Variants in USP46 observed in about 807,000 individuals in gnomAD.
USP46 encodes the protein ubiquitin carboxyl-terminal hydrolase 46.
A neutral mutation model predicts 44.4 loss-of-function variants in USP46; 12 were observed. The observed-to-expected ratio is 0.27, with a 90% CI of 0.17 to 0.44. The LOEUF (loss-of-function observed/expected upper bound fraction) is 0.44. USP46 is among the 20% of genes least tolerant of loss of function. USP46 has a pLI of 1.00. For synonymous variants in USP46, 155 were observed against 161.5 expected, an observed-to-expected ratio of 0.96 and a Z score of 0.31; for missense variants, 248 against 444.8, an observed-to-expected ratio of 0.56 and a Z score of 3.98.
chr4:52,656,197 A>G, intron 1 of USP46: 2 of 1,225,616 alleles, frequency 1.6e-6, no homozygotes, highest in South Asian at 1.3e-5. Flanking sequence ...TCTTACTACA[A>G]CTACTCAAAC....
At chr4:52,607,387 A>C (rs1303162040) in intron 5 of USP46, among the ~76,000 whole-genome samples, 3 of 152,228 alleles carry the variant, frequency 2.0e-5, no homozygotes, top group African/African-American at 7.2e-5. Flanking sequence ...TGGTATAGGA[A>C]ACTCTTCAAT....
chr4:52,638,435 C>G (rs1718203226), intron 1 of USP46, among the ~76,000 whole-genome samples: 1 of 152,024 alleles, frequency 6.6e-6, no homozygotes, highest in East Asian at 1.9e-4. Context: ...ACCTCCAGAA[C>G]TGTAAGATAA....
At position 52,631,117 on chromosome 4, in the gene USP46, CT is replaced by C; in HGVS notation, c.63del (p.Asp22ThrfsTer56). ...NMGTNASALE[K>X]DIGPEQFPIN... ...ATTGGAAACTGCTCTGGACCAATGT[CT>C]TTTTCCAGAGCAGAGGCATTGGTGC... On this transcript the variant is annotated frameshift_variant, in exon 2 of 9. Coordinates refer to ENST00000441222, the MANE Select transcript of USP46 (RefSeq NM_022832.4). LOFTEE classifies it high-confidence loss of function. The C allele has an allele frequency of 1.3e-6, 2 of 1,566,026 alleles. No homozygotes were observed. Among genetic ancestry groups the C allele is most frequent in the Non-Finnish European group, 8.7e-7 (1 of 1,153,322 alleles).
At chr4:52,629,984 A>G (rs1272138187) in intron 2 of USP46, among the ~76,000 whole-genome samples, 4 of 152,208 alleles carry the variant, frequency 2.6e-5, no homozygotes, top group African/African-American at 9.6e-5. Flanking sequence ...ATTATTTCCA[A>G]CTTTCCCAGT....
Position 52,626,163 on chromosome 4 carries a change from T to G in USP46, c.416A>C (p.Glu139Ala). The G allele has an allele frequency of 6.2e-7, 1 of 1,613,892 alleles. No individual in the cohort carries two copies. The highest frequency in any genetic ancestry group is 8.5e-7 in the Non-Finnish European group (1 of 1,179,844). ...LNTIADILQE[E>A]KKQEKQNGKL... is the part of the protein sequence containing the mutation. ...TCCATTTTGTTTTTCCTGTTTCTTC[T>G]CCTCCTGAAGGATGTCCGCAATAGT... The change falls in exon 4 of 9, where the codon GAG becomes GCG. Residue 139 changes from glutamate to alanine, a missense_variant. Around this residue, in one of 5 missense-constraint regions of USP46, gnomAD observed 37 missense variants for 30.6 expected, o/e 1.21. Transcript: ENST00000441222.
At position 52,591,881 on chromosome 4, in the gene USP46, G is replaced by A. The variant is rs1197425471; in HGVS notation, c.*5759C>T. The A allele has an allele frequency of 6.6e-6, 1 of 152,206 alleles. No homozygotes were observed. The highest frequency in any genetic ancestry group is 1.5e-5 in the Non-Finnish European group (1 of 68,032). The allele number at this position is 152,206 out of a possible 1,614,324, so 9.4% of individuals were successfully genotyped here. The stretch of plus-strand genomic sequence containing the variant: ...TATTTGATTCATAAAGCTCACTGTT[G>A]AGGCTTTCATGATACTGGCTCTTTT... On this transcript the variant is annotated 3_prime_UTR_variant, in exon 9 of 9. Transcript: ENST00000441222.
intron 4 of USP46, 31 bp downstream of exon 4, chr4:52,625,987 C>A (rs199952091): frequency 2.4e-5 from 38 of 1,576,172 alleles, no homozygotes; most frequent in Middle Eastern, 1.7e-4. Flanking sequence ...TATGAACATG[C>A]GAGCTACATA....
intron 4 of USP46, among the ~76,000 whole-genome samples, chr4:52,617,932 C>T (rs1717225373): frequency 6.6e-6 from 1 of 152,306 alleles, no homozygotes; most frequent in South Asian, 2.1e-4. Flanking sequence ...CAATTTTGAG[C>T]ATGGAGGTCT....
chr4:52,647,001 TA>T (rs1560412529), intron 1 of USP46, among the ~76,000 whole-genome samples: 1 of 152,176 alleles, frequency 6.6e-6, no homozygotes, highest in East Asian at 1.9e-4. Flanking sequence ...TCCACAGATA[TA>T]CTCCCACATA....
chr4:52,655,987 A>G (rs1291752097), intron 1 of USP46, among the ~76,000 whole-genome samples: 1 of 152,246 alleles, frequency 6.6e-6, no homozygotes, highest in Non-Finnish European at 1.5e-5. Context: ...CACACGAAGT[A>G]TCTGCTACAA....
At chr4:52,619,509 C>CAT (rs1473203191) in intron 4 of USP46, among the ~76,000 whole-genome samples, 1 of 152,128 alleles carries the variant, frequency 6.6e-6, no homozygotes, top group East Asian at 1.9e-4. Context: ...ACTGAAGCAC[C>CAT]ATCTAAAGGC....
intron 1 of USP46, among the ~76,000 whole-genome samples, chr4:52,639,562 A>T (rs1278878132): frequency 6.6e-6 from 1 of 152,196 alleles, no homozygotes; most frequent in Non-Finnish European, 1.5e-5. Context: ...TGGAAGCTGC[A>T]CACATTACTT....
At chr4:52,653,080 C>A (rs1246803095) in intron 1 of USP46, among the ~76,000 whole-genome samples, 2 of 152,098 alleles carry the variant, frequency 1.3e-5, no homozygotes, top group African/African-American at 4.8e-5. Flanking sequence ...AAGAATCATT[C>A]TGAGAATTGG....
chr4:52,626,151 T>C lies in USP46; in HGVS notation c.428A>G (p.Glu143Gly). 1 of 1,613,930 alleles carries C rather than the reference T, an allele frequency of 6.2e-7. No individual in the cohort carries two copies. The highest frequency in any genetic ancestry group is 1.1e-5 in the South Asian group (1 of 91,080). ...ADILQEEKKQ[E>G]KQNGKLKNGN... ...ATTTTTTAATTTTCCATTTTGTTTTTCCTGTTTCTTCTCCTCCTGAAGGAT... is the reference window on the plus strand; with the variant it reads ...ATTTTTTAATTTTCCATTTTGTTTTCCCTGTTTCTTCTCCTCCTGAAGGAT... The change falls in exon 4 of 9, where the codon GAA becomes GGA. Residue 143 changes from glutamate (E) to glycine (G), a missense_variant. Around this residue, in one of 5 missense-constraint regions of USP46, gnomAD observed 37 missense variants for 30.6 expected, o/e 1.21. Coordinates refer to ENST00000441222, the MANE Select transcript of USP46 (RefSeq NM_022832.4).
chr4:52,613,516 G>A (rs1717011926), intron 4 of USP46, among the ~76,000 whole-genome samples: 1 of 152,110 alleles, frequency 6.6e-6, no homozygotes, highest in Non-Finnish European at 1.5e-5. Flanking sequence ...ATGGTCAGGA[G>A]TTGGAGGCCA....
At chr4:52,616,337 TTTCCC>T (rs529482480) in intron 4 of USP46, among the ~76,000 whole-genome samples, 2,488 of 152,206 alleles carry the variant, frequency 0.016, 34 homozygotes, top group Non-Finnish European at 0.028. Context: ...TTTCCTTTCC[TTTCCC>T]TTCCCTTCCC....
chr4:52,627,984 T>G lies in USP46; in HGVS notation c.297A>C (p.Pro99=). The G allele has an allele frequency of 6.2e-7, 1 of 1,613,770 alleles. No homozygotes were observed. Among genetic ancestry groups the G allele is most frequent in the Non-Finnish European group, 8.5e-7 (1 of 1,179,792 alleles). Residue 99 remains proline, a synonymous_variant, in exon 3 of 9, where the codon CCA becomes CCC. Coordinates refer to ENST00000441222, the MANE Select transcript of USP46 (RefSeq NM_022832.4). ...TTCTCAGCCTTGAAATGAACTTCTT[T>G]GGTGGGATGACGCCAACCTTCTTCT... The part of the protein sequence containing the change: ...TQKKKVGVIP[P]KKFISRLRKE...
At chr4:52,625,115 A>G (rs1450244422) in intron 4 of USP46, among the ~76,000 whole-genome samples, 2 of 152,288 alleles carry the variant, frequency 1.3e-5, no homozygotes, top group East Asian at 3.9e-4. Flanking sequence ...TAATGAACCC[A>G]TAGACTTTCT....
chr4:52,603,145 A>G (rs761988679), intron 6 of USP46, among the ~76,000 whole-genome samples: 65 of 152,358 alleles, frequency 4.3e-4, no homozygotes, highest in Non-Finnish European at 1.0e-4. Flanking sequence ...AAGTATGGGG[A>G]ACCCCATGTT....
Sources: allele counts gnomAD v4.1 joint callset (sites outside exome capture counted in the v4.1 genomes callset), GRCh38; gene constraint gnomAD v4.1.1; regional missense constraint gnomAD v4.1.1; transcripts MANE v1.5; gene names NCBI Gene and HGNC (gene_info 2026-07-23, HGNC 2026-07-21).